Variants in KCNQ5 observed in about 807,000 individuals in gnomAD.
KCNQ5 encodes the protein potassium voltage-gated channel subfamily Q member 5, also known as potassium voltage-gated channel subfamily KQT member 5.
A neutral mutation model predicts 98.2 loss-of-function variants in KCNQ5; 30 were observed. The ratio of observed to expected loss-of-function variants is 0.31; its 90% CI spans 0.23 to 0.41. KCNQ5 has a LOEUF of 0.41. KCNQ5 is among the 10% of genes least tolerant of loss of function. The pLI, the probability that KCNQ5 is intolerant of heterozygous loss-of-function variation, is 1.00. For missense variants in KCNQ5, 835 were observed against 1,182.5 expected (o/e 0.71, Z 4.31); for synonymous variants, 458 against 449.4 (o/e 1.02, Z -0.24).
intron 5 of KCNQ5, among the ~76,000 whole-genome samples, chr6:73,083,837 C>T (rs1156482361): frequency 6.6e-6 from 1 of 152,170 alleles, no homozygotes; most frequent in Non-Finnish European, 1.5e-5. Flanking sequence ...GATTCAACTG[C>T]TTTATGGTTC....
chr6:72,911,501 A>T (rs1389625217), intron 1 of KCNQ5, among the ~76,000 whole-genome samples: 1 of 152,120 alleles, frequency 6.6e-6, no homozygotes, highest in African/African-American at 2.4e-5. Flanking sequence ...GCAAGCCACC[A>T]GTTTATGGTG....
At chr6:72,967,870 T>C (rs1767694687) in intron 1 of KCNQ5, 1 of 153,622 alleles carries the variant, frequency 6.5e-6, no homozygotes, top group African/African-American at 2.4e-5. Context: ...GTGTGGAGGT[T>C]ACAGGCATAA....
At chr6:73,131,146 A>G (rs1776217612) in intron 9 of KCNQ5, among the ~76,000 whole-genome samples, 1 of 152,140 alleles carries the variant, frequency 6.6e-6, no homozygotes, top group African/African-American at 2.4e-5. Flanking sequence ...ATTTTTAAAA[A>G]TATTTTTATA....
At chr6:73,085,759 T>G (rs1233604314) in intron 5 of KCNQ5, among the ~76,000 whole-genome samples, 1 of 152,178 alleles carries the variant, frequency 6.6e-6, no homozygotes, top group Non-Finnish European at 1.5e-5. Flanking sequence ...GATGAAACAC[T>G]GAGCACATTG....
intron 1 of KCNQ5, among the ~76,000 whole-genome samples, chr6:72,840,661 G>A (rs900021135): frequency 6.6e-6 from 1 of 152,182 alleles, no homozygotes; most frequent in African/African-American, 2.4e-5. Flanking sequence ...TTATTTGCAA[G>A]AGGTTCAATT....
chr6:72,868,429 C>A (rs72943319), intron 1 of KCNQ5, among the ~76,000 whole-genome samples: 5,342 of 152,186 alleles, frequency 0.035, 130 homozygotes, highest in South Asian at 0.061. Context: ...ATAGAAATTT[C>A]ATTCTAATCA....
In KCNQ5 at chr6:73,195,061, T is replaced by C. The variant is rs1259354576; in HGVS notation, c.2446T>C (p.Leu816=). 1.9e-6 allele frequency: 3 copies of C among 1,614,238 alleles called. No homozygotes were observed. Among genetic ancestry groups the C allele is most frequent in the Non-Finnish European group, 1.7e-6 (2 of 1,180,038 alleles). ...CTTTGACATGGGAGGAGAAACTCTG[T>C]TGTCTGTCTGTCCCATGGTGCCGAA... ...KSFDMGGETL[L]SVCPMVPKDL... is the part of the protein sequence containing the mutation. The change falls in exon 14 of 14, where the codon TTG becomes CTG. Residue 816 remains leucine, a synonymous_variant. Transcript: ENST00000370398.
chr6:73,156,360 G>A (rs942876380), intron 10 of KCNQ5, among the ~76,000 whole-genome samples: 7 of 152,314 alleles, frequency 4.6e-5, no homozygotes, highest in African/African-American at 1.4e-4. Context: ...GAGGTTGGGC[G>A]CAGTGACTCA....
intron 1 of KCNQ5, among the ~76,000 whole-genome samples, chr6:72,823,098 G>C (rs541418879): frequency 6.6e-6 from 1 of 152,118 alleles, no homozygotes; most frequent in Non-Finnish European, 1.5e-5. Context: ...ATATTTATAG[G>C]TTCCAGGGAT....
intron 9 of KCNQ5, among the ~76,000 whole-genome samples, chr6:73,130,017 T>C (rs937386544): frequency 1.3e-5 from 2 of 152,210 alleles, no homozygotes; most frequent in Admixed American, 6.5e-5. Context: ...TTGTTGCCTG[T>C]TGCCTGCTTT....
intron 3 of KCNQ5, among the ~76,000 whole-genome samples, chr6:73,064,471 T>C (rs73753238): frequency 6.2e-4 from 95 of 152,330 alleles, no homozygotes; most frequent in African/African-American, 2.2e-3. Flanking sequence ...CATAGGATGT[T>C]GGGATTTCCA....
At chr6:73,081,762 A>G (rs1773780297) in intron 5 of KCNQ5, among the ~76,000 whole-genome samples, 1 of 152,240 alleles carries the variant, frequency 6.6e-6, no homozygotes, top group Non-Finnish European at 1.5e-5. Flanking sequence ...TGCTATTGAA[A>G]AGAAAAAAAA....
intron 1 of KCNQ5, among the ~76,000 whole-genome samples, chr6:72,805,247 A>T (rs1774891083): frequency 6.6e-6 from 1 of 152,058 alleles, no homozygotes; most frequent in Non-Finnish European, 1.5e-5. Context: ...GCCCACTCCA[A>T]TGTCCTGGAG....
chr6:72,828,082 T>C (rs1776078852), intron 1 of KCNQ5, among the ~76,000 whole-genome samples: 1 of 152,070 alleles, frequency 6.6e-6, no homozygotes, highest in Admixed American at 6.6e-5. Context: ...TGTTCCATTC[T>C]TCTGTGTGTC....
chr6:72,624,053 C>A (rs1306092956), intron 1 of KCNQ5, among the ~76,000 whole-genome samples: 3 of 152,152 alleles, frequency 2.0e-5, no homozygotes, highest in Non-Finnish European at 4.4e-5. Context: ...TAGCATTAGG[C>A]AGAATATTCC....
chr6:73,092,558 A>G (rs1435432360), intron 5 of KCNQ5, among the ~76,000 whole-genome samples: 1 of 152,132 alleles, frequency 6.6e-6, no homozygotes, highest in Admixed American at 6.6e-5. Flanking sequence ...TTGTTATATT[A>G]TGACATTTTA....
At chr6:73,138,409 G>A (rs1354829581) in intron 10 of KCNQ5, among the ~76,000 whole-genome samples, 1 of 152,206 alleles carries the variant, frequency 6.6e-6, no homozygotes, top group Non-Finnish European at 1.5e-5. Flanking sequence ...GCATTTGGGA[G>A]TGCCTTACAG....
At chr6:73,022,166 G>A (rs954358473) in intron 2 of KCNQ5, among the ~76,000 whole-genome samples, 1 of 151,940 alleles carries the variant, frequency 6.6e-6, no homozygotes, top group East Asian at 1.9e-4. Flanking sequence ...ATAACCGAAT[G>A]ATTCACTAGT....
intron 5 of KCNQ5, among the ~76,000 whole-genome samples, chr6:73,092,943 G>A (rs966409489): frequency 1.3e-5 from 2 of 151,660 alleles, no homozygotes; most frequent in African/African-American, 4.8e-5. Context: ...ATTGGGGAGG[G>A]TTCCTTCTTT....
Sources: allele counts gnomAD v4.1 joint callset (sites outside exome capture counted in the v4.1 genomes callset), GRCh38; gene constraint gnomAD v4.1.1; transcripts MANE v1.5; gene names NCBI Gene and HGNC (gene_info 2026-07-23, HGNC 2026-07-21).